Variants in CORO7 observed in about 807,000 individuals in gnomAD.
The protein encoded by CORO7 is coronin 7.
Under a neutral mutation model 126.6 loss-of-function variants are expected in CORO7, and 107 were observed. The observed-to-expected ratio is 0.85, with a 90% CI of 0.72 to 0.99. The LOEUF is 0.99. Ranked by LOEUF, CORO7 falls within the 50% of genes least tolerant of loss-of-function variation. The pLI is 0.00. For synonymous variants in CORO7, 603 were observed against 536.8 expected (o/e 1.12, Z -1.70); for missense variants, 1,314 against 1,255.8 (o/e 1.05, Z -0.70).
chr16:4,356,917 T>C, intron 26 of CORO7: 1 of 561,012 alleles, frequency 1.8e-6, no homozygotes, highest in Non-Finnish European at 3.2e-6. Flanking sequence ...CAAAAGCACT[T>C]GGGCCCAGAA....
intron 6 of CORO7, among the ~76,000 whole-genome samples, chr16:4,399,353 A>G (rs555453429): frequency 6.6e-6 from 1 of 152,370 alleles, no homozygotes; most frequent in South Asian, 2.1e-4. Flanking sequence ...GCAGCATTTC[A>G]TTATGCTCAG....
At chr16:4,356,727 C>A (rs2053987418) in intron 26 of CORO7, 1 of 207,552 alleles carries the variant, frequency 4.8e-6, no homozygotes, top group African/African-American at 2.4e-5. Flanking sequence ...ACCACCGTGC[C>A]CGGCCTCAAA....
intron 9 of CORO7, among the ~76,000 whole-genome samples, chr16:4,367,744 A>T (rs950766295): frequency 3.3e-5 from 5 of 152,292 alleles, no homozygotes; most frequent in African/African-American, 1.2e-4. Context: ...TTGAGGAACA[A>T]GATGGACAAT....
At chr16:4,369,801 C>G (rs1258233348) in intron 9 of CORO7, among the ~76,000 whole-genome samples, 2 of 152,180 alleles carry the variant, frequency 1.3e-5, no homozygotes, top group Admixed American at 1.3e-4. Flanking sequence ...GGATCTGTCC[C>G]TATCACCCAG....
chr16:4,416,412 C>T, intron 1 of CORO7, 47 bp downstream of exon 1: 2 of 1,514,536 alleles, frequency 1.3e-6, no homozygotes, highest in African/African-American at 1.4e-5. Flanking sequence ...GAGGGGCAGC[C>T]GGACGGGGCC....
At chr16:4,390,803 C>T (rs935388278) in intron 7 of CORO7, among the ~76,000 whole-genome samples, 1 of 152,206 alleles carries the variant, frequency 6.6e-6, no homozygotes. Flanking sequence ...ACAAGATGGA[C>T]GTGAGGCTCA....
Position 4,365,560 on chromosome 16 carries a change from G to A in CORO7, c.786-15C>T, listed in dbSNP as rs1239397230. ...GCACGAGACACCTGGGGAAGAGAGG[G>A]CAAGATGGCGGGTCAGGGCAGTGGG... On this transcript the variant is annotated splice_polypyrimidine_tract_variant and intron_variant, in intron 9 of 27. Coordinates refer to ENST00000251166, the MANE Select transcript of CORO7 (RefSeq NM_024535.5). 2 of 1,572,664 alleles carry A rather than the reference G, an allele frequency of 1.3e-6. No individual in the cohort carries two copies. The highest frequency in any genetic ancestry group is 2.4e-5 in the East Asian group (1 of 42,508).
intron 7 of CORO7, among the ~76,000 whole-genome samples, chr16:4,392,836 C>T (rs140057288): frequency 6.6e-6 from 1 of 152,286 alleles, no homozygotes; most frequent in East Asian, 1.9e-4. Context: ...AGGCCTGCTG[C>T]CCCCGCACCA....
At position 4,395,325 on chromosome 16, in the gene CORO7, C is replaced by G; in HGVS notation, c.579G>C (p.Arg193=). 1 of 1,614,068 alleles carries G rather than the reference C, an allele frequency of 6.2e-7. No homozygotes were observed. The highest frequency in any genetic ancestry group is 8.5e-7 in the Non-Finnish European group (1 of 1,180,010). ...GCGGCTTTGTTCTGGGGTCAAAGAT[C>G]CGCAGCTGCTTGTCCTGGAAAAGCA... is the stretch of plus-strand genomic sequence containing the variant. ...VGTACKDKQL[R]IFDPRTKPRA... is the part of the protein sequence containing the mutation. Residue 193 remains arginine (R), a synonymous_variant, in exon 7 of 28, where the codon CGG becomes CGC. Transcript: ENST00000251166.
In CORO7 at chr16:4,357,369, T is replaced by G. The variant is rs1341139659; in HGVS notation, c.2594-110A>C. 4 of 1,228,816 alleles carry G rather than the reference T, an allele frequency of 3.3e-6. No individual in the cohort carries two copies. The East Asian group carries it at 1.1e-4, about 32-fold the overall frequency. The allele number at this position is 1,228,816 out of a possible 1,614,324, so 76.1% of individuals were successfully genotyped here. A position where few individuals can be genotyped will look rare whatever the true frequency, so the allele number is the denominator to read the frequency against. On this transcript the variant is annotated intron_variant, in intron 25 of 27. Coordinates refer to ENST00000251166, the MANE Select transcript of CORO7 (RefSeq NM_024535.5). ...TTTCTTTCTTTCTTTTTTTTTTTTT[T>G]TTTTTGAGATGGAGTTTTGCTCTTG...
intron 7 of CORO7, 65 bp from the exon 8 acceptor site, chr16:4,388,696 T>G (rs897071158): frequency 3.5e-5 from 54 of 1,536,910 alleles, no homozygotes; most frequent in Non-Finnish European, 4.5e-5. Context: ...CCCCCTGGAA[T>G]GGGCCTGAGC....
intron 9 of CORO7, among the ~76,000 whole-genome samples, chr16:4,380,586 A>G (rs758683382): frequency 6.6e-6 from 1 of 152,232 alleles, no homozygotes; most frequent in Non-Finnish European, 1.5e-5. Flanking sequence ...AGGCAGAGGC[A>G]GGAGGGCCTG....
In CORO7 at chr16:4,359,238, C is replaced by A; in HGVS notation, c.2340+58G>T. The A allele has an allele frequency of 2.6e-6, 4 of 1,514,350 alleles. No individual in the cohort carries two copies. The South Asian group carries it at 5.2e-5, about 20-fold the overall frequency. 93.8% of individuals were successfully genotyped at this position (1,514,350 alleles called of 1,614,324 possible). On this transcript the variant is annotated intron_variant, in intron 23 of 27. Transcript: ENST00000251166. Reference sequence around the variant, plus strand: ...GCTCCTGTACTTGCCCACATGGCCACCAGGGGGCAGGGCAGCCTTGTGGTC... The same window carrying A: ...GCTCCTGTACTTGCCCACATGGCCAACAGGGGGCAGGGCAGCCTTGTGGTC...
chr16:4,412,266 CG>C, intron 3 of CORO7, 89 bp downstream of exon 3: 1 of 1,423,704 alleles, frequency 7.0e-7, no homozygotes, highest in Non-Finnish European at 9.8e-7. Context: ...GCAAGCCATG[CG>C]GCAGTGGGAC....
At position 4,407,601 on chromosome 16, in the gene CORO7, C is replaced by T; in HGVS notation, c.387G>A (p.Val129=). ...AGGTGGGGTGGAACTGCAGTACCTC[C>T]ACTGGGAGGTCCTCGGGGCCCAGCA... ...GVVLGPEDLP[V]EVLQFHPTSD... The change falls in exon 5 of 28, where the codon GTG becomes GTA. Residue 129 remains valine, a synonymous_variant. Transcript: ENST00000251166. 3 of 1,596,592 alleles carry T rather than the reference C, an allele frequency of 1.9e-6. No homozygotes were observed. Among genetic ancestry groups the T allele is most frequent in the Middle Eastern group, 1.7e-4 (1 of 6,036 alleles).
In CORO7 at chr16:4,355,321, G is replaced by C. The variant is rs1457653166; in HGVS notation, c.2737C>G (p.Gln913Glu). The C allele has an allele frequency of 1.9e-6, 3 of 1,613,118 alleles. No homozygotes were observed. Among genetic ancestry groups the C allele is most frequent in the Non-Finnish European group, 2.5e-6 (3 of 1,179,954 alleles). Residue 913 changes from glutamine to glutamate, a missense_variant, in exon 27 of 28, where the codon CAG becomes GAG. Physicochemically the swap from Gln to Glu is conservative, Grantham distance 29. Transcript: ENST00000251166. ...TCGTCCACGCCTTCAAAGGAGTCCT[G>C]GGGGAGTGGGTCCTCCCGGTTCCCC... ...KLGNREDPLPQDSFEGVDEDE... is the reference protein window; with the variant it reads ...KLGNREDPLPEDSFEGVDEDE...
At chr16:4,411,500 G>C (rs571015353) in intron 3 of CORO7, among the ~76,000 whole-genome samples, 41 of 152,080 alleles carry the variant, frequency 2.7e-4, no homozygotes, top group Non-Finnish European at 6.0e-4. Flanking sequence ...CCAGAAGTTT[G>C]AGACCAGCCC....
At chr16:4,372,288 C>T (rs924676820) in intron 9 of CORO7, among the ~76,000 whole-genome samples, 8 of 152,342 alleles carry the variant, frequency 5.3e-5, no homozygotes, top group African/African-American at 1.7e-4. Context: ...TTCCTCCTCC[C>T]ACGGCTGGGC....
intron 25 of CORO7, chr16:4,357,727 C>G: frequency 1.6e-6 from 1 of 625,206 alleles, no homozygotes; most frequent in South Asian, 2.5e-5. Context: ...CTGTATAAGC[C>G]CTGCCCTAGA....
Sources: allele counts gnomAD v4.1 joint callset (sites outside exome capture counted in the v4.1 genomes callset), GRCh38; gene constraint gnomAD v4.1.1; transcripts MANE v1.5; gene names NCBI Gene and HGNC (gene_info 2026-07-23, HGNC 2026-07-21).